FNDC3B: variants seen among roughly 807,000 people sequenced by gnomAD.
The protein encoded by FNDC3B is fibronectin type III domain containing 3B, also known as fibronectin type III domain-containing protein 3B.
In FNDC3B, 12 loss-of-function variants were observed where a neutral mutation model predicts 151.5. The observed-to-expected ratio is 0.08, with a 90% CI of 0.05 to 0.13. FNDC3B has a LOEUF of 0.13. Ranked by LOEUF, FNDC3B falls within the 10% of genes least tolerant of loss-of-function variation. The pLI is 1.00. For synonymous variants in FNDC3B, 528 were observed against 549.0 expected, an observed-to-expected ratio of 0.96 and a Z score of 0.54; for missense variants, 1,214 against 1,505.3, an observed-to-expected ratio of 0.81 and a Z score of 3.20.
At chr3:172,335,212 G>A (rs1378423844) in intron 15 of FNDC3B, 130 bp downstream of exon 15, 16 of 845,236 alleles carry the variant, frequency 1.9e-5, no homozygotes, top group East Asian at 2.8e-5. Context: ...TTCTGCATTC[G>A]GAATATATGT....
chr3:172,344,178 C>T lies in FNDC3B; in HGVS notation c.2170C>T (p.Pro724Ser), dbSNP rs766586067. Residue 724 changes from proline to serine, a missense_variant, in exon 19 of 26, where the codon CCA becomes TCA. By Grantham distance (74) the Pro-to-Ser change is moderately conservative. This residue lies in a region of FNDC3B where 380 missense variants were observed against 420.9 expected (regional missense o/e 0.90). Transcript: ENST00000415807. ...CGTAGCCTCGGAAGTGTACCATGGCCCAGAGCTGGAGTGCACCGTCGGCAA... is the reference window on the plus strand; with the variant it reads ...CGTAGCCTCGGAAGTGTACCATGGCTCAGAGCTGGAGTGCACCGTCGGCAA... ...EDVASEVYHG[P>S]ELECTVGNLL... The T allele has an allele frequency of 1.9e-6, 3 of 1,614,122 alleles. No individual in the cohort carries two copies. Among genetic ancestry groups the T allele is most frequent in the Non-Finnish European group, 2.5e-6 (3 of 1,180,016 alleles).
intron 7 of FNDC3B, among the ~76,000 whole-genome samples, chr3:172,289,731 G>A (rs553334651): frequency 4.6e-5 from 7 of 152,302 alleles, no homozygotes; most frequent in East Asian, 3.9e-4. Flanking sequence ...CACAAACGCC[G>A]GAAGTCTGAC....
At chr3:172,216,457 A>G (rs1442525325) in intron 3 of FNDC3B, among the ~76,000 whole-genome samples, 1 of 152,184 alleles carries the variant, frequency 6.6e-6, no homozygotes, top group Admixed American at 6.5e-5. Flanking sequence ...GCTTGAGGCC[A>G]GGAGTTGAAG....
At chr3:172,051,504 C>T (rs1716652491) in intron 1 of FNDC3B, among the ~76,000 whole-genome samples, 1 of 152,054 alleles carries the variant, frequency 6.6e-6, no homozygotes, top group East Asian at 1.9e-4. Flanking sequence ...GCCATTTAAA[C>T]TTAGCACCTT....
At chr3:172,079,636 G>A (rs760711094) in intron 1 of FNDC3B, among the ~76,000 whole-genome samples, 4 of 152,170 alleles carry the variant, frequency 2.6e-5, no homozygotes, top group Admixed American at 6.5e-5. Context: ...GAAATCACCA[G>A]TATCCTTTAA....
intron 10 of FNDC3B, 43 bp downstream of exon 10, chr3:172,307,544 T>C (rs1467899071): frequency 1.9e-6 from 3 of 1,608,168 alleles, no homozygotes; most frequent in Middle Eastern, 1.7e-4. Flanking sequence ...ATTTAAAAAT[T>C]AGCCAGGTGT....
At chr3:172,328,815 T>C in intron 11 of FNDC3B, 137 bp from the exon 12 acceptor site, 1 of 624,208 alleles carries the variant, frequency 1.6e-6, no homozygotes, top group East Asian at 3.1e-5. Flanking sequence ...TCCCTGTAAG[T>C]TTCTATTGTT....
intron 1 of FNDC3B, among the ~76,000 whole-genome samples, chr3:172,103,168 CT>C (rs1434188401): frequency 2.6e-5 from 4 of 152,088 alleles, no homozygotes. Context: ...GGTTGGTAAA[CT>C]TTTTTTGTAG....
At chr3:172,286,037 T>C in intron 7 of FNDC3B, 53 bp downstream of exon 7, 2 of 1,411,922 alleles carry the variant, frequency 1.4e-6, no homozygotes, top group Admixed American at 2.0e-5. Flanking sequence ...GTATTTCAAA[T>C]GTGCTTTTTT....
intron 1 of FNDC3B, among the ~76,000 whole-genome samples, chr3:172,042,442 A>C (rs919683307): frequency 5.3e-5 from 8 of 152,218 alleles, no homozygotes; most frequent in African/African-American, 1.4e-4. Flanking sequence ...CACACTTGTC[A>C]GTTTGGAAAA....
intron 1 of FNDC3B, among the ~76,000 whole-genome samples, chr3:172,107,424 G>C (rs1446782219): frequency 2.0e-5 from 3 of 152,006 alleles, no homozygotes; most frequent in Non-Finnish European, 2.9e-5. Flanking sequence ...ATTTGTAAAG[G>C]GTAGTTGATT....
At chr3:172,142,067 T>G (rs933253061) in intron 3 of FNDC3B, among the ~76,000 whole-genome samples, 1 of 152,210 alleles carries the variant, frequency 6.6e-6, no homozygotes, top group Non-Finnish European at 1.5e-5. Flanking sequence ...TCTGTAGAGC[T>G]GGAATAGTAA....
chr3:172,122,937 A>G (rs1720623757), intron 2 of FNDC3B, among the ~76,000 whole-genome samples: 1 of 152,196 alleles, frequency 6.6e-6, no homozygotes, highest in African/African-American at 2.4e-5. Flanking sequence ...TCTGTTGTTT[A>G]AAAAAATGCA....
chr3:172,223,534 G>A (rs532860555), intron 3 of FNDC3B, among the ~76,000 whole-genome samples: 4 of 152,240 alleles, frequency 2.6e-5, no homozygotes, highest in Admixed American at 2.6e-4. Context: ...TTACACAAAT[G>A]ACTTTAACAG....
chr3:172,146,580 G>A (rs9821574), intron 3 of FNDC3B, among the ~76,000 whole-genome samples: 65,245 of 151,960 alleles, frequency 0.43, 15,751 homozygotes, highest in East Asian at 0.58. Context: ...TCTGGTTAAC[G>A]TAACCCTCAG....
At chr3:172,221,548 C>T (rs889270036) in intron 3 of FNDC3B, among the ~76,000 whole-genome samples, 1 of 152,164 alleles carries the variant, frequency 6.6e-6, no homozygotes, top group African/African-American at 2.4e-5. Flanking sequence ...TTTTAAGAAA[C>T]GCTCTAGATG....
At position 172,104,497 on chromosome 3, in the gene FNDC3B, A is replaced by G. The variant is rs148230256; in HGVS notation, c.-28-7955A>G. On this transcript the variant is annotated intron_variant, in intron 1 of 25. Transcript: ENST00000415807. ...CCTCTCCATATCCTTTTTTTGTGCT[A>G]CTTAATTTGATTTTTTAAAAAGCAA... 4.8e-3 allele frequency among the ~76,000 whole-genome samples: 714 copies of G among 150,016 alleles called. 4 individuals carry two copies. The highest frequency in any genetic ancestry group is 0.016 in the African/African-American group (663 of 40,756).
chr3:172,190,828 C>G (rs1724470565), intron 3 of FNDC3B, among the ~76,000 whole-genome samples: 1 of 152,090 alleles, frequency 6.6e-6, no homozygotes, highest in East Asian at 1.9e-4. Flanking sequence ...ACCACCATGC[C>G]CGGCTAATTT....
chr3:172,306,095 A>G (rs73033121), intron 9 of FNDC3B, among the ~76,000 whole-genome samples: 2,624 of 152,246 alleles, frequency 0.017, 69 homozygotes, highest in African/African-American at 0.06. Context: ...CCTTTGACGT[A>G]TGGCCTCTAT....
Sources: allele counts gnomAD v4.1 joint callset (sites outside exome capture counted in the v4.1 genomes callset), GRCh38; gene constraint gnomAD v4.1.1; regional missense constraint gnomAD v4.1.1; transcripts MANE v1.5; gene names NCBI Gene and HGNC (gene_info 2026-07-23, HGNC 2026-07-21).